TBC1D9: variants seen among roughly 807,000 people sequenced by gnomAD.
TBC1D9 encodes the protein TBC1 domain family member 9A.
In TBC1D9, 63 loss-of-function variants were observed where a neutral mutation model predicts 132.0. The ratio of observed to expected loss-of-function variants is 0.48; its 90% CI spans 0.39 to 0.59. The LOEUF is 0.59. Among genes scored for constraint, TBC1D9 ranks in the 20% least tolerant of loss-of-function variants. TBC1D9 has a pLI of 0.00. For synonymous variants in TBC1D9, 610 were observed against 609.9 expected, an observed-to-expected ratio of 1.00 and a Z score of 0.00; for missense variants, 1,261 against 1,592.7, an observed-to-expected ratio of 0.79 and a Z score of 3.54.
chr4:140,627,820 A>C (rs1039769472), intron 17 of TBC1D9, among the ~76,000 whole-genome samples: 13 of 152,220 alleles, frequency 8.5e-5, no homozygotes, highest in Admixed American at 2.6e-4. Context: ...AATTTTAGGA[A>C]ACTGTACGCT....
chr4:140,711,276 G>C (rs897206166), intron 1 of TBC1D9, among the ~76,000 whole-genome samples: 1 of 152,122 alleles, frequency 6.6e-6, no homozygotes, highest in Non-Finnish European at 1.5e-5. Context: ...GTAGAGGCGG[G>C]TCTGAAAACC....
intron 13 of TBC1D9, chr4:140,643,741 C>T: frequency 1.7e-6 from 2 of 1,176,346 alleles, no homozygotes; most frequent in East Asian, 2.5e-5. Flanking sequence ...GGGGAATCCA[C>T]GCATGCTTCA....
At chr4:140,645,813 G>A (rs1158379503) in intron 13 of TBC1D9, among the ~76,000 whole-genome samples, 2 of 152,100 alleles carry the variant, frequency 1.3e-5, no homozygotes, top group Non-Finnish European at 1.5e-5. Context: ...TGCCAGCCAC[G>A]GCCTGAGCAC....
At chr4:140,685,562 T>C (rs1035912713) in intron 3 of TBC1D9, among the ~76,000 whole-genome samples, 15 of 152,066 alleles carry the variant, frequency 9.9e-5, no homozygotes, top group Non-Finnish European at 2.9e-5. Flanking sequence ...GAAAACTAAA[T>C]GCAATGTCTT....
At position 140,643,957 on chromosome 4, in the gene TBC1D9, C is replaced by T. The variant is rs1051608109; in HGVS notation, c.2338-4529G>A. 79 of 615,638 alleles carry T rather than the reference C, an allele frequency of 1.3e-4. No individual in the cohort carries two copies. In the Admixed American group the frequency reaches 1.6e-3, roughly 13 times the overall value. The allele number at this position is 615,638 out of a possible 1,614,324, so 38.1% of individuals were successfully genotyped here. The stretch of plus-strand genomic sequence containing the variant: ...TCCACATCCTCCACCTCCACCTTCG[C>T]CTCCTGTTCAGCCAGCGGCTCTTCC... On this transcript the variant is annotated intron_variant, in intron 13 of 20. Coordinates refer to ENST00000442267, the MANE Select transcript of TBC1D9 (RefSeq NM_015130.3).
intron 2 of TBC1D9, among the ~76,000 whole-genome samples, chr4:140,687,261 T>C (rs1013255320): frequency 6.7e-6 from 1 of 148,436 alleles, no homozygotes; most frequent in Non-Finnish European, 1.5e-5. Flanking sequence ...AATGATCTTA[T>C]AGAAAAATGG....
intron 1 of TBC1D9, among the ~76,000 whole-genome samples, chr4:140,746,576 A>G (rs923281250): frequency 6.6e-6 from 1 of 152,248 alleles, no homozygotes; most frequent in African/African-American, 2.4e-5. Flanking sequence ...ATTGACTCAC[A>G]GTTCCACATG....
chr4:140,623,984 A>T, intron 20 of TBC1D9, 132 bp downstream of exon 20: 1 of 714,550 alleles, frequency 1.4e-6, no homozygotes, highest in Non-Finnish European at 2.2e-6. Flanking sequence ...AAATAGGTCC[A>T]AATGGATACT....
intron 1 of TBC1D9, among the ~76,000 whole-genome samples, chr4:140,751,349 A>G (rs1738920541): frequency 1.3e-5 from 2 of 152,322 alleles, no homozygotes; most frequent in South Asian, 2.1e-4. Context: ...AGCCTTCCCA[A>G]TAAATCATTC....
At chr4:140,672,218 CAT>C (rs1189914631) in intron 6 of TBC1D9, among the ~76,000 whole-genome samples, 1 of 149,000 alleles carries the variant, frequency 6.7e-6, no homozygotes, top group Admixed American at 6.7e-5. Context: ...TAATATATGA[CAT>C]ATAATATACA....
intron 1 of TBC1D9, among the ~76,000 whole-genome samples, chr4:140,705,964 A>C (rs1431177575): frequency 6.6e-6 from 1 of 152,206 alleles, no homozygotes; most frequent in Non-Finnish European, 1.5e-5. Context: ...GCTGTTTTCA[A>C]GGAGATTCAG....
In TBC1D9 at chr4:140,661,039, C is replaced by T. The variant is rs187414972; in HGVS notation, c.1803+854G>A. Reference sequence around the variant, plus strand: ...AGGCCATTCTCCTGCCTCAGCCTCCCGAGTAGCTGGGACTACAGGCACCTG... The same window carrying T: ...AGGCCATTCTCCTGCCTCAGCCTCCTGAGTAGCTGGGACTACAGGCACCTG... On this transcript the variant is annotated intron_variant, in intron 10 of 20. Coordinates refer to ENST00000442267, the MANE Select transcript of TBC1D9 (RefSeq NM_015130.3). 8.5e-5 allele frequency among the ~76,000 whole-genome samples: 13 copies of T among 152,160 alleles called. 1 individual carries two copies. The highest frequency in any genetic ancestry group is 5.9e-4 in the Admixed American group (9 of 15,296).
At position 140,679,617 on chromosome 4, in the gene TBC1D9, T is replaced by C; in HGVS notation, c.587A>G (p.Glu196Gly). 1.2e-6 allele frequency: 2 copies of C among 1,611,180 alleles called. No individual in the cohort carries two copies. Among genetic ancestry groups the C allele is most frequent in the South Asian group, 1.1e-5 (1 of 90,874 alleles). Residue 196 changes from glutamate to glycine, a missense_variant and splice_region_variant, in exon 4 of 21, where the codon GAA becomes GGA. Glu to Gly is a moderately conservative substitution (Grantham distance 98). Transcript: ENST00000442267. ...TGCTGAAATTTTAGATGACTTACCT[T>C]CCCTTCCCATAAGAAAAGAATAAAA... ...LCFYSFLMGR[E>G]AKLVIRWVDI... is the part of the protein sequence containing the mutation.
At position 140,652,571 on chromosome 4, in the gene TBC1D9, G is replaced by A. The variant is rs370401364; in HGVS notation, c.2337+4526C>T. Among the ~76,000 whole-genome samples, 30 of 152,266 alleles carry A rather than the reference G, an allele frequency of 2.0e-4. No homozygotes were observed. The East Asian group carries it at 5.4e-3, about 27-fold the overall frequency. On this transcript the variant is annotated intron_variant, in intron 13 of 20. Transcript: ENST00000442267. ...TCTTCTAATCCAAATAAAGTCCCTT[G>A]GTCCTGGCTTTAATGCAAGGGAGCT...
At chr4:140,679,251 C>T in intron 4 of TBC1D9, 48 bp from the exon 5 acceptor site, 2 of 1,575,926 alleles carry the variant, frequency 1.3e-6, no homozygotes, top group South Asian at 1.2e-5. Context: ...CCTGAAAACG[C>T]TTTCAAGATA....
chr4:140,722,039 T>G (rs578223417), intron 1 of TBC1D9, among the ~76,000 whole-genome samples: 1 of 152,160 alleles, frequency 6.6e-6, no homozygotes, highest in Non-Finnish European at 1.5e-5. Context: ...GATTTATTCC[T>G]CCCCTGTCCT....
intron 1 of TBC1D9, among the ~76,000 whole-genome samples, chr4:140,738,861 CAT>C (rs1473982967): frequency 6.6e-6 from 1 of 152,144 alleles, no homozygotes; most frequent in East Asian, 1.9e-4. Flanking sequence ...AGAAAATCCA[CAT>C]AGTTTTCACA....
intron 2 of TBC1D9, among the ~76,000 whole-genome samples, chr4:140,696,550 A>G (rs2111035056): frequency 6.6e-6 from 1 of 151,340 alleles, no homozygotes; most frequent in Non-Finnish European, 1.5e-5. Flanking sequence ...CGCTTTCTAT[A>G]TGATTCATAT....
intron 2 of TBC1D9, among the ~76,000 whole-genome samples, chr4:140,689,754 T>G (rs190324040): frequency 1.1e-5 from 1 of 91,506 alleles, no homozygotes; most frequent in East Asian, 3.2e-4. Context: ...CTCCCACCCC[T>G]TTTTTTTTTT....
Sources: allele counts gnomAD v4.1 joint callset (sites outside exome capture counted in the v4.1 genomes callset), GRCh38; gene constraint gnomAD v4.1.1; transcripts MANE v1.5; gene names NCBI Gene and HGNC (gene_info 2026-07-23, HGNC 2026-07-21).